The following PIAS1 variants were observed in gnomAD, a reference collection of about 807,000 sequenced individuals.
PIAS1 encodes the protein E3 SUMO-protein ligase PIAS1.
PIAS1 carries 6 observed loss-of-function variants against 71.3 expected under a neutral mutation model. The observed-to-expected ratio is 0.08, with a 90% CI of 0.05 to 0.17. The LOEUF (loss-of-function observed/expected upper bound fraction) is 0.17, where lower values mean the gene tolerates loss of function less well. Among genes scored for constraint, PIAS1 ranks in the 10% least tolerant of loss-of-function variants. The probability of loss-of-function intolerance (pLI) is 1.00; values close to 1 mark genes in which losing one functional copy is unlikely to be tolerated. For synonymous variants in PIAS1, 303 were observed against 292.9 expected (o/e 1.03, Z -0.35); for missense variants, 555 against 793.6 (o/e 0.70, Z 3.61).
Position 68,086,479 on chromosome 15 carries a change from A to G in PIAS1, c.198A>G (p.Pro66=), listed in dbSNP as rs758902239. The G allele has an allele frequency of 1.2e-6, 2 of 1,613,984 alleles. No homozygotes were observed. The highest frequency in any genetic ancestry group is 2.2e-5 in the East Asian group (1 of 44,878). ...KIKELYRRRF[P]QKIMTPADLS... is the part of the protein sequence containing the mutation. ...AGGAACTCTATAGGCGGCGGTTCCC[A>G]CAGAAAATCATGACGCCTGCAGACT... The change falls in exon 2 of 14, where the codon CCA becomes CCG. Residue 66 remains proline (P), a synonymous_variant. Coordinates refer to ENST00000249636, the MANE Select transcript of PIAS1 (RefSeq NM_016166.3). The surrounding 1 kb of genome is among the most constrained non-coding windows in gnomAD (Gnocchi z 7.2).
At chr15:68,135,635 T>C (rs1182280530) in intron 2 of PIAS1, among the ~76,000 whole-genome samples, 1 of 56,426 alleles carries the variant, frequency 1.8e-5, no homozygotes, top group Non-Finnish European at 4.8e-5. Context: ...CCCCCCCACC[T>C]CCCTCCCGGA....
intron 8 of PIAS1, among the ~76,000 whole-genome samples, chr15:68,168,852 C>G (rs986069351): frequency 6.6e-6 from 1 of 152,122 alleles, no homozygotes; most frequent in Non-Finnish European, 1.5e-5. Flanking sequence ...TGTAGGTCAC[C>G]TTGTCAGTAT....
At chr15:68,119,314 G>A (rs560583320) in intron 2 of PIAS1, among the ~76,000 whole-genome samples, 197 of 148,420 alleles carry the variant, frequency 1.3e-3, no homozygotes, top group African/African-American at 4.3e-3. Context: ...ACGTGGTGGC[G>A]CACACCTGTA....
At chr15:68,106,721 A>C (rs548599625) in intron 2 of PIAS1, among the ~76,000 whole-genome samples, 1 of 152,292 alleles carries the variant, frequency 6.6e-6, no homozygotes, top group African/African-American at 2.4e-5. Context: ...ATTATCTATA[A>C]AGCAGAAGAA....
rs2093033786 is a variant in PIAS1 at position 68,178,537 on chromosome 15, TAA to T, written c.1481+1885_1481+1886del. Among the ~76,000 whole-genome samples the T allele has an allele frequency of 2.0e-5, 3 of 152,304 alleles. No homozygotes were observed. The highest frequency in any genetic ancestry group is 7.2e-5 in the African/African-American group (3 of 41,566). On this transcript the variant is annotated intron_variant, in intron 11 of 13. Transcript: ENST00000249636. This position sits in a 1 kb window ranked among gnomAD's most constrained non-coding sequence, Gnocchi z 4.2. The stretch of plus-strand genomic sequence containing the variant: ...GGAGAAAAGGAAAAGTCACATTACC[TAA>T]AGTTAGAACAAGTATCTATAGAATT...
At chr15:68,092,261 C>A (rs1207459459) in intron 2 of PIAS1, among the ~76,000 whole-genome samples, 2 of 152,138 alleles carry the variant, frequency 1.3e-5, no homozygotes, top group East Asian at 3.9e-4. Context: ...GCAACCTCCG[C>A]TTCCTGGCTC....
intron 8 of PIAS1, among the ~76,000 whole-genome samples, chr15:68,170,061 G>C (rs898565817): frequency 6.6e-6 from 1 of 152,088 alleles, no homozygotes; most frequent in Non-Finnish European, 1.5e-5. Context: ...CCATCATGCA[G>C]AACTGAAGCC....
At chr15:68,148,997 G>C (rs1335680105) in intron 6 of PIAS1, among the ~76,000 whole-genome samples, 1 of 152,064 alleles carries the variant, frequency 6.6e-6, no homozygotes, top group Non-Finnish European at 1.5e-5. Context: ...ATGAGTCCTT[G>C]GTTTCTGGGT....
chr15:68,122,730 A>G (rs1233660473), intron 2 of PIAS1, among the ~76,000 whole-genome samples: 1 of 152,210 alleles, frequency 6.6e-6, no homozygotes, highest in Non-Finnish European at 1.5e-5. Flanking sequence ...GTGGGGAACA[A>G]ATGAAAATCT....
intron 12 of PIAS1, among the ~76,000 whole-genome samples, chr15:68,182,051 G>A (rs2093056464): frequency 6.6e-6 from 1 of 152,144 alleles, no homozygotes; most frequent in African/African-American, 2.4e-5. Context: ...TTATGTTTTA[G>A]ATAATGGTGA....
At chr15:68,064,907 A>G (rs891586216) in intron 1 of PIAS1, among the ~76,000 whole-genome samples, 2 of 152,092 alleles carry the variant, frequency 1.3e-5, no homozygotes, top group Non-Finnish European at 2.9e-5. Flanking sequence ...CAAGTAATGG[A>G]TTAATTAATT....
At chr15:68,084,294 T>G (rs1264205548) in intron 1 of PIAS1, among the ~76,000 whole-genome samples, 5 of 152,150 alleles carry the variant, frequency 3.3e-5, no homozygotes, top group Non-Finnish European at 4.4e-5. Context: ...CAACTTAAAT[T>G]TATTTTTAAC....
intron 7 of PIAS1, among the ~76,000 whole-genome samples, chr15:68,158,570 A>AT (rs1279520215): frequency 6.6e-6 from 1 of 151,710 alleles, no homozygotes; most frequent in Non-Finnish European, 1.5e-5. Flanking sequence ...ATTTAATCTT[A>AT]TTTTTTTTCT....
intron 2 of PIAS1, among the ~76,000 whole-genome samples, chr15:68,091,060 T>C (rs1482111488): frequency 1.3e-5 from 2 of 151,794 alleles, no homozygotes; most frequent in Non-Finnish European, 2.9e-5. Context: ...TGGAAGAAAA[T>C]TTTAATCTTG....
intron 2 of PIAS1, among the ~76,000 whole-genome samples, chr15:68,096,011 G>C (rs1221437577): frequency 6.6e-6 from 1 of 152,194 alleles, no homozygotes; most frequent in South Asian, 2.1e-4. Flanking sequence ...AATGTTGGAT[G>C]TAGTATTATA....
At chr15:68,152,524 T>A (rs2092855190) in intron 6 of PIAS1, among the ~76,000 whole-genome samples, 1 of 152,200 alleles carries the variant, frequency 6.6e-6, no homozygotes, top group South Asian at 2.1e-4. Context: ...AGTTGCCTAA[T>A]CATGAGCAGA....
intron 1 of PIAS1, among the ~76,000 whole-genome samples, chr15:68,066,256 G>A (rs914584514): frequency 1.3e-5 from 2 of 151,738 alleles, no homozygotes; most frequent in African/African-American, 2.4e-5. Context: ...AGTAGGATGC[G>A]CACCACTGTG....
chr15:68,123,374 A>G (rs1020236090), intron 2 of PIAS1, among the ~76,000 whole-genome samples: 1 of 152,188 alleles, frequency 6.6e-6, no homozygotes, highest in African/African-American at 2.4e-5. Flanking sequence ...ATGCAATTCT[A>G]CATACCCTCT....
intron 6 of PIAS1, among the ~76,000 whole-genome samples, chr15:68,150,457 T>TA (rs1415608799): frequency 1.3e-5 from 2 of 152,218 alleles, no homozygotes; most frequent in African/African-American, 2.4e-5. Flanking sequence ...TAAATTACTG[T>TA]TTTAATTCAG....
Sources: gnomAD v4.1 joint callset for allele counts (sites outside exome capture counted in the v4.1 genomes callset) on GRCh38, gnomAD v4.1.1 for gene constraint, Gnocchi (gnomAD v3.1) non-coding constraint, MANE v1.5 for transcripts, NCBI Gene and HGNC (gene_info 2026-07-23, HGNC 2026-07-21) for gene names.